The following MED12L variants were observed in gnomAD, a reference collection of about 807,000 sequenced individuals.
The protein encoded by MED12L is mediator of RNA polymerase II transcription subunit 12-like protein.
A neutral mutation model predicts 281.3 loss-of-function variants in MED12L; 60 were observed. The ratio of observed to expected loss-of-function variants is 0.21; its 90% CI spans 0.17 to 0.26. The LOEUF (loss-of-function observed/expected upper bound fraction) is 0.26. Among genes scored for constraint, MED12L ranks in the 10% least tolerant of loss-of-function variants. The pLI is 1.00. For missense variants in MED12L, 2,146 were observed against 2,680.9 expected (o/e 0.80, Z 4.41); for synonymous variants, 974 against 987.2 (o/e 0.99, Z 0.25).
rs557480537 is a variant in MED12L, at chr3:151,302,805, T to G, written c.2251-47254T>G. On this transcript the variant is annotated intron_variant, in intron 16 of 44. Transcript: ENST00000687756. ...ATAAGGTCGTTTACTAAGAGTCTGC[T>G]CATATTTCAGGCCCTGGAGTTTATA... Among the ~76,000 whole-genome samples, 7 of 152,312 alleles carry G rather than the reference T, an allele frequency of 4.6e-5. 1 individual carries two copies. In the East Asian group the frequency reaches 1.3e-3, roughly 29 times the overall value.
chr3:151,362,340 C>T (rs1754714469), intron 21 of MED12L, among the ~76,000 whole-genome samples: 1 of 152,062 alleles, frequency 6.6e-6, no homozygotes, highest in Non-Finnish European at 1.5e-5. Context: ...TGCAGGGTCC[C>T]ATCTTCTCTT....
intron 16 of MED12L, among the ~76,000 whole-genome samples, chr3:151,207,062 T>C (rs1726477533): frequency 1.3e-5 from 2 of 151,652 alleles, no homozygotes; most frequent in South Asian, 4.2e-4. Context: ...TTTTTTTTTT[T>C]TTAAGACAGG....
At chr3:151,316,645 G>A (rs890370911) in intron 16 of MED12L, 1 of 152,178 alleles carries the variant, frequency 6.6e-6, no homozygotes, top group South Asian at 2.1e-4. Flanking sequence ...GTTGAAACAG[G>A]TTTCTTGTCT....
At chr3:151,186,896 T>C (rs969650501) in intron 12 of MED12L, among the ~76,000 whole-genome samples, 1 of 152,212 alleles carries the variant, frequency 6.6e-6, no homozygotes, top group Non-Finnish European at 1.5e-5. Flanking sequence ...TGGCACAGAA[T>C]AGTGCTCACT....
rs1255538927 is a variant in MED12L, at chr3:151,350,093, C to T, written c.2285C>T (p.Thr762Ile). Reference sequence around the variant, plus strand: ...TCAAGTCATGAATGTAACCAGCGCACAATCCTTCTCTATGGAGTCGGCAAA... The same window carrying T: ...TCAAGTCATGAATGTAACCAGCGCATAATCCTTCTCTATGGAGTCGGCAAA... ...ESSSHECNQR[T>I]ILLYGVGKER... Residue 762 changes from threonine to isoleucine, a missense_variant, in exon 17 of 45, where the codon ACA becomes ATA. By Grantham distance (89) the Thr-to-Ile change is moderately conservative (BLOSUM62 -1). Around this residue, in one of 9 missense-constraint regions of MED12L, gnomAD observed 404 missense variants for 603.5 expected, o/e 0.67. Transcript: ENST00000687756. 1 of 1,612,896 alleles carries T rather than the reference C, an allele frequency of 6.2e-7. No individual in the cohort carries two copies. Among genetic ancestry groups the T allele is most frequent in the African/African-American group, 1.3e-5 (1 of 74,944 alleles).
intron 6 of MED12L, among the ~76,000 whole-genome samples, chr3:151,157,173 A>G (rs2148940859): frequency 6.6e-6 from 1 of 152,282 alleles, no homozygotes; most frequent in East Asian, 1.9e-4. Flanking sequence ...ATCTTGGAAA[A>G]AGTATCTCTC....
intron 16 of MED12L, among the ~76,000 whole-genome samples, chr3:151,325,470 TG>T (rs1012177864): frequency 3.3e-5 from 5 of 152,234 alleles, no homozygotes; most frequent in Non-Finnish European, 4.4e-5. Flanking sequence ...TGTAGCATCT[TG>T]TTTTTTTTAA....
intron 16 of MED12L, among the ~76,000 whole-genome samples, chr3:151,196,467 G>A (rs1282252396): frequency 1.3e-5 from 2 of 152,120 alleles, no homozygotes; most frequent in East Asian, 1.9e-4. Context: ...GTCCCCATCT[G>A]TCATATGGGG....
At chr3:151,400,227 T>A (rs1715503897) in intron 39 of MED12L, among the ~76,000 whole-genome samples, 1 of 152,204 alleles carries the variant, frequency 6.6e-6, no homozygotes, top group African/African-American at 2.4e-5. Flanking sequence ...ATGCCTTGAT[T>A]TATGGTGTTG....
chr3:151,384,343 G>T, intron 35 of MED12L, 125 bp downstream of exon 35: 2 of 1,033,856 alleles, frequency 1.9e-6, no homozygotes, highest in Middle Eastern at 2.2e-4. Flanking sequence ...GTGATTATTT[G>T]CTATTTGTTT....
At chr3:151,139,111 A>G (rs1716564863) in intron 5 of MED12L, among the ~76,000 whole-genome samples, 1 of 152,064 alleles carries the variant, frequency 6.6e-6, no homozygotes, top group Non-Finnish European at 1.5e-5. Flanking sequence ...ATAATACTCT[A>G]TTTTGTTCCA....
intron 2 of MED12L, among the ~76,000 whole-genome samples, chr3:151,093,626 A>G (rs990436052): frequency 6.6e-5 from 10 of 152,230 alleles, no homozygotes; most frequent in African/African-American, 1.4e-4. Flanking sequence ...TCTAATAACA[A>G]TGGTTCCCAG....
At chr3:151,172,551 A>T (rs893983523) in intron 11 of MED12L, among the ~76,000 whole-genome samples, 1 of 152,224 alleles carries the variant, frequency 6.6e-6, no homozygotes, top group African/African-American at 2.4e-5. Context: ...GCTGGTTTTC[A>T]TGAAGTCTTT....
chr3:151,229,473 ATTTTTTTTTT>A (rs59434401), intron 16 of MED12L, among the ~76,000 whole-genome samples: 1 of 90,124 alleles, frequency 1.1e-5, no homozygotes, highest in Non-Finnish European at 2.1e-5. Context: ...TGCCCGGCTA[ATTTTTTTTTT>A]TTTTTTTTTT....
intron 16 of MED12L, among the ~76,000 whole-genome samples, chr3:151,199,734 G>A (rs1429291805): frequency 6.6e-6 from 1 of 152,156 alleles, no homozygotes; most frequent in African/African-American, 2.4e-5. Context: ...TTGGAAGTTA[G>A]TTTGCAGAGG....
chr3:151,337,808 T>G, intron 16 of MED12L: 1 of 1,612,838 alleles, frequency 6.2e-7, no homozygotes, highest in South Asian at 1.1e-5. Flanking sequence ...ATTTCCTTAG[T>G]TAATTTGTTT....
At chr3:151,214,408 AGGCAAAG>A in intron 16 of MED12L, 1 of 1,076,790 alleles carries the variant, frequency 9.3e-7, no homozygotes, top group Admixed American at 2.2e-5. Flanking sequence ...CTGAGTAATA[AGGCAAAG>A]GGCAATGAAT....
At chr3:151,362,672 A>C (rs1434013299) in intron 21 of MED12L, among the ~76,000 whole-genome samples, 2 of 152,130 alleles carry the variant, frequency 1.3e-5, no homozygotes, top group Non-Finnish European at 1.5e-5. Context: ...TTTCACTGCT[A>C]CATCCCAGTG....
At chr3:151,272,309 A>G (rs943776561) in intron 16 of MED12L, among the ~76,000 whole-genome samples, 1 of 152,260 alleles carries the variant, frequency 6.6e-6, no homozygotes, top group Admixed American at 6.5e-5. Context: ...AGATAAAAAT[A>G]AAACAGGACA....
Sources: allele counts gnomAD v4.1 joint callset (sites outside exome capture counted in the v4.1 genomes callset), GRCh38; gene constraint gnomAD v4.1.1; regional missense constraint gnomAD v4.1.1; transcripts MANE v1.5; gene names NCBI Gene and HGNC (gene_info 2026-07-23, HGNC 2026-07-21).